The following NARS2 variants were observed in gnomAD, a reference collection of about 807,000 sequenced individuals.
The protein encoded by NARS2 is asparaginyl-tRNA synthetase 2, mitochondrial.
A neutral mutation model predicts 62.9 loss-of-function variants in NARS2; 60 were observed. That is an observed-to-expected ratio of 0.95 (90% confidence interval 0.77 to 1.18). The LOEUF is 1.18. Among genes scored for constraint, NARS2 ranks in the 50% most tolerant of loss-of-function variants. The probability of loss-of-function intolerance (pLI) is 0.00; values close to 1 mark genes in which losing one functional copy is unlikely to be tolerated. For synonymous variants in NARS2, 196 were observed against 200.0 expected (o/e 0.98, Z 0.17); for missense variants, 619 against 576.4 (o/e 1.07, Z -0.76).
intron 5 of NARS2, among the ~76,000 whole-genome samples, chr11:78,536,948 T>C (rs1855379049): frequency 6.6e-6 from 1 of 152,230 alleles, no homozygotes; most frequent in African/African-American, 2.4e-5. Flanking sequence ...TTCTATGTTA[T>C]GTATGTTTAG....
intron 5 of NARS2, among the ~76,000 whole-genome samples, chr11:78,530,761 C>T (rs988381467): frequency 6.6e-6 from 1 of 152,194 alleles, no homozygotes; most frequent in Non-Finnish European, 1.5e-5. Context: ...GCCACCGTGC[C>T]CGGCCTATGA....
At chr11:78,529,275 A>G (rs1050258731) in intron 5 of NARS2, among the ~76,000 whole-genome samples, 1 of 152,258 alleles carries the variant, frequency 6.6e-6, no homozygotes, top group African/African-American at 2.4e-5. Flanking sequence ...GAAGAATTAC[A>G]TAACCTCAAA....
At chr11:78,548,950 C>T (rs1443360404) in intron 5 of NARS2, among the ~76,000 whole-genome samples, 1 of 152,184 alleles carries the variant, frequency 6.6e-6, no homozygotes, top group African/African-American at 2.4e-5. Context: ...TTCCTCCTTT[C>T]CCCTCACAGC....
chr11:78,439,644 T>C (rs114164762), intron 13 of NARS2, among the ~76,000 whole-genome samples: 1,654 of 152,292 alleles, frequency 0.011, 36 homozygotes, highest in African/African-American at 0.039. Flanking sequence ...TACTGGTTAA[T>C]ATAAGGCATT....
At chr11:78,482,368 C>T (rs1591184314) in intron 7 of NARS2, among the ~76,000 whole-genome samples, 1 of 151,790 alleles carries the variant, frequency 6.6e-6, no homozygotes, top group South Asian at 2.1e-4. Flanking sequence ...AATTCAAAAG[C>T]TAGCAGAAGA....
At position 78,559,556 on chromosome 11, in the gene NARS2, C is replaced by A. The variant is rs146264111; in HGVS notation, c.577G>T (p.Glu193Ter). 2 of 1,611,836 alleles carry A rather than the reference C, an allele frequency of 1.2e-6. No homozygotes were observed. Among genetic ancestry groups the A allele is most frequent in the Middle Eastern group, 1.7e-4 (1 of 6,046 alleles). ...AAACTTACTTCAAGTTGAAAAAGTT[C>A]TCCAGCTCCCTCAGAGTCATTGGAT... ...ITSNDSEGAG[E>*]LFQLEPSGKL... The change falls in exon 5 of 14, where the codon GAA becomes TAA. Residue 193 changes from glutamate (E) to a stop codon, truncating the protein, a stop_gained. Coordinates refer to ENST00000281038, the MANE Select transcript of NARS2 (RefSeq NM_024678.6). LOFTEE classifies it high-confidence loss of function.
At chr11:78,458,996 G>GT (rs139909925) in intron 11 of NARS2, among the ~76,000 whole-genome samples, 13,892 of 151,562 alleles carry the variant, frequency 0.092, 838 homozygotes, top group Middle Eastern at 0.15. Flanking sequence ...TCAGCTTACT[G>GT]CAACTCTGCC....
intron 5 of NARS2, among the ~76,000 whole-genome samples, chr11:78,556,512 G>A (rs551542389): frequency 4.1e-4 from 62 of 152,168 alleles, no homozygotes; most frequent in Non-Finnish European, 7.9e-4. Context: ...ATTTTAGCCA[G>A]CATAAGGAAG....
At chr11:78,473,023 G>A (rs577437387) in intron 9 of NARS2, among the ~76,000 whole-genome samples, 7 of 152,276 alleles carry the variant, frequency 4.6e-5, no homozygotes, top group South Asian at 4.2e-4. Context: ...TAAAGCAGCC[G>A]GGTGTGGTGG....
intron 11 of NARS2, among the ~76,000 whole-genome samples, chr11:78,457,876 T>A (rs916236105): frequency 3.9e-5 from 6 of 152,074 alleles, no homozygotes; most frequent in African/African-American, 1.4e-4. Context: ...TATCAAAATT[T>A]AAAGTCAGGC....
At chr11:78,490,044 A>T (rs776361527) in intron 7 of NARS2, among the ~76,000 whole-genome samples, 1 of 152,204 alleles carries the variant, frequency 6.6e-6, no homozygotes. Context: ...GCCTCAAAAA[A>T]CAAAAAACCA....
At position 78,454,724 on chromosome 11, in the gene NARS2, T is replaced by C. The variant is rs1319486664; in HGVS notation, c.1165-10966A>G. 4.6e-5 allele frequency among the ~76,000 whole-genome samples: 7 copies of C among 152,142 alleles called. No homozygotes were observed. In the South Asian group the frequency reaches 1.5e-3, roughly 32 times the overall value. On this transcript the variant is annotated intron_variant, in intron 11 of 13. Coordinates refer to ENST00000281038, the MANE Select transcript of NARS2 (RefSeq NM_024678.6). ...ACCTCCACCTCCCGGGTTCAAGCGA[T>C]TCTCTTGCCTCAGCCTCCCAAGTAG...
At chr11:78,566,971 T>TTTTA (rs1856765552) in intron 3 of NARS2, among the ~76,000 whole-genome samples, 1 of 13,990 alleles carries the variant, frequency 7.1e-5, no homozygotes, top group African/African-American at 1.7e-4. Context: ...TCATCCATTC[T>TTTTA]AAGTCTTGTA....
intron 6 of NARS2, among the ~76,000 whole-genome samples, chr11:78,518,663 G>A (rs867667421): frequency 1.3e-4 from 20 of 151,946 alleles, no homozygotes; most frequent in African/African-American, 3.6e-4. Flanking sequence ...GACTACAGGC[G>A]CCCGCCACCA....
intron 5 of NARS2, among the ~76,000 whole-genome samples, chr11:78,544,849 G>C (rs909882340): frequency 4.0e-5 from 6 of 151,610 alleles, no homozygotes; most frequent in Non-Finnish European, 5.9e-5. Flanking sequence ...GCGTGGTGGT[G>C]GGCACCTGTA....
intron 13 of NARS2, among the ~76,000 whole-genome samples, chr11:78,440,045 G>C (rs1451696960): frequency 6.6e-6 from 1 of 152,138 alleles, no homozygotes; most frequent in African/African-American, 2.4e-5. Flanking sequence ...TAATGCTTAA[G>C]AGCAAAGGAT....
chr11:78,564,485 CCTGA>C (rs1418297967), intron 4 of NARS2, among the ~76,000 whole-genome samples: 2 of 152,168 alleles, frequency 1.3e-5, no homozygotes, highest in Non-Finnish European at 2.9e-5. Context: ...ACCACTGCAC[CCTGA>C]CTACTTTATT....
chr11:78,574,765 C>G lies in NARS2; in HGVS notation c.-277G>C, dbSNP rs756400511. On this transcript the variant is annotated 5_prime_UTR_variant, in exon 1 of 14. Transcript: ENST00000281038. ...TGCAGTTGGCAGCTGGGGCGCCCCA[C>G]TACCCGCGACAATTGTAAACCTACG... 19 of 432,646 alleles carry G rather than the reference C, an allele frequency of 4.4e-5. No homozygotes were observed. Among genetic ancestry groups the G allele is most frequent in the Non-Finnish European group, 7.0e-5 (17 of 241,644 alleles). The allele number at this position is 432,646 out of a possible 1,614,324, so 26.8% of individuals were successfully genotyped here.
At chr11:78,525,408 G>A (rs879210242) in intron 6 of NARS2, among the ~76,000 whole-genome samples, 1 of 152,050 alleles carries the variant, frequency 6.6e-6, no homozygotes, top group African/African-American at 2.4e-5. Context: ...CAGAGAATAA[G>A]GAATTAGTCA....
Sources: allele counts gnomAD v4.1 joint callset (sites outside exome capture counted in the v4.1 genomes callset), GRCh38; gene constraint gnomAD v4.1.1; transcripts MANE v1.5; gene names NCBI Gene and HGNC (gene_info 2026-07-23, HGNC 2026-07-21).